Variants in ATF7IP observed in about 807,000 individuals in gnomAD.
ATF7IP encodes activating transcription factor 7-interacting protein 1.
In ATF7IP, 23 loss-of-function variants were observed where a neutral mutation model predicts 106.4. The observed-to-expected ratio is 0.22, with a 90% CI of 0.16 to 0.31. ATF7IP has a LOEUF of 0.31. Among genes scored for constraint, ATF7IP ranks in the 10% least tolerant of loss-of-function variants. The pLI is 1.00. For missense variants in ATF7IP, 1,334 were observed against 1,524.3 expected (o/e 0.88, Z 2.08); for synonymous variants, 542 against 539.0 (o/e 1.01, Z -0.08).
chr12:14,490,709 G>T (rs1422898094), intron 13 of ATF7IP, among the ~76,000 whole-genome samples: 1 of 152,144 alleles, frequency 6.6e-6, no homozygotes, highest in Non-Finnish European at 1.5e-5. Flanking sequence ...GGTGCAGGCT[G>T]GGGAAGACAA....
intron 2 of ATF7IP, among the ~76,000 whole-genome samples, chr12:14,432,357 G>A (rs1942183164): frequency 1.3e-5 from 2 of 152,226 alleles, no homozygotes; most frequent in South Asian, 2.1e-4. Flanking sequence ...AGAAAGATAT[G>A]GAAAAATATA....
At chr12:14,485,344 A>C (rs1385444150) in intron 13 of ATF7IP, among the ~76,000 whole-genome samples, 10 of 151,822 alleles carry the variant, frequency 6.6e-5, no homozygotes, top group Non-Finnish European at 1.5e-4. Flanking sequence ...AGGAAGGGCC[A>C]GATGCAGCAA....
chr12:14,493,592 CA>C (rs568960319), intron 13 of ATF7IP, among the ~76,000 whole-genome samples: 74 of 152,118 alleles, frequency 4.9e-4, no homozygotes, highest in African/African-American at 1.5e-3. Flanking sequence ...TTCTTTCTGG[CA>C]AAAAAGCTTC....
Position 14,424,259 on chromosome 12 carries a change from A to G in ATF7IP, c.344A>G (p.His115Arg), listed in dbSNP as rs200012406. 168 of 1,614,108 alleles carry G rather than the reference A, an allele frequency of 1.0e-4. 1 individual carries two copies. The highest frequency in any genetic ancestry group is 9.9e-4 in the Middle Eastern group (6 of 6,084). ...DDLNCEPLSPHNITPEPVSKL... is the reference protein window; with the variant it reads ...DDLNCEPLSPRNITPEPVSKL... ...TTAAATTGTGAACCTTTGTCTCCCC[A>G]TAATATAACTCCAGAACCAGTCTCT... The change falls in exon 2 of 15, where the codon CAT becomes CGT. Residue 115 changes from histidine to arginine, a missense_variant. Physicochemically the swap from His to Arg is conservative, Grantham distance 29 (BLOSUM62 0). Coordinates refer to ENST00000261168, the MANE Select transcript of ATF7IP (RefSeq NM_018179.5).
At chr12:14,387,874 T>C (rs1565474911) in intron 1 of ATF7IP, among the ~76,000 whole-genome samples, 1 of 152,242 alleles carries the variant, frequency 6.6e-6, no homozygotes, top group Non-Finnish European at 1.5e-5. Flanking sequence ...ATGAACAATT[T>C]CATCTGCATA....
intron 9 of ATF7IP, 85 bp from the exon 10 acceptor site, chr12:14,466,441 A>T: frequency 9.1e-7 from 1 of 1,103,688 alleles, no homozygotes; most frequent in Non-Finnish European, 1.3e-6. Context: ...TAGTTGGAGA[A>T]AACTACATGA....
chr12:14,459,926 A>C (rs1242520762), intron 8 of ATF7IP, among the ~76,000 whole-genome samples: 3 of 152,174 alleles, frequency 2.0e-5, no homozygotes, highest in African/African-American at 7.2e-5. Flanking sequence ...ATACAATGTC[A>C]GTAGGGTGTC....
At chr12:14,418,510 G>A (rs1040970562) in intron 1 of ATF7IP, among the ~76,000 whole-genome samples, 2 of 152,068 alleles carry the variant, frequency 1.3e-5, no homozygotes, top group Admixed American at 6.5e-5. Context: ...AGTTCTAGGC[G>A]ACAGTACTAA....
intron 10 of ATF7IP, among the ~76,000 whole-genome samples, chr12:14,468,718 A>G (rs1441530140): frequency 6.6e-6 from 1 of 152,228 alleles, no homozygotes; most frequent in Non-Finnish European, 1.5e-5. Flanking sequence ...AGTGTCAATT[A>G]TGTATATGAA....
At position 14,500,040 on chromosome 12, in the gene ATF7IP, T is replaced by C. The variant is rs1945122513; in HGVS notation, c.*1967T>C. The C allele has an allele frequency of 6.6e-6, 1 of 152,164 alleles. No individual in the cohort carries two copies. Among genetic ancestry groups the C allele is most frequent in the Non-Finnish European group, 1.5e-5 (1 of 68,032 alleles). The allele number at this position is 152,164 out of a possible 1,614,324, so 9.4% of individuals were successfully genotyped here. The stretch of plus-strand genomic sequence containing the variant: ...GCTGAGTTAAGTTTTAGGAGGAGAA[T>C]GTGGTTGAGAATATTTTGAAAGGAA... On this transcript the variant is annotated 3_prime_UTR_variant, in exon 15 of 15. Coordinates refer to ENST00000261168, the MANE Select transcript of ATF7IP (RefSeq NM_018179.5).
intron 13 of ATF7IP, among the ~76,000 whole-genome samples, chr12:14,486,308 T>C (rs1944609964): frequency 6.6e-6 from 1 of 152,180 alleles, no homozygotes; most frequent in South Asian, 2.1e-4. Flanking sequence ...CAGTGTCCAG[T>C]AGTCCCTGAA....
intron 8 of ATF7IP, 86 bp from the exon 9 acceptor site, chr12:14,460,409 A>G (rs1168359128): frequency 8.4e-6 from 11 of 1,311,448 alleles, no homozygotes; most frequent in Non-Finnish European, 1.2e-5. Flanking sequence ...GTATTACGCA[A>G]TGTATTTAAT....
intron 5 of ATF7IP, among the ~76,000 whole-genome samples, chr12:14,441,551 G>A (rs1164423028): frequency 5.8e-5 from 8 of 136,876 alleles, no homozygotes; most frequent in African/African-American, 2.2e-4. Context: ...GTGCAATGGT[G>A]TGATCTTGGC....
chr12:14,407,691 A>G (rs897161855), intron 1 of ATF7IP, among the ~76,000 whole-genome samples: 10 of 152,270 alleles, frequency 6.6e-5, no homozygotes, highest in African/African-American at 2.2e-4. Flanking sequence ...GCGGTGTTGT[A>G]CAGATTATTT....
intron 13 of ATF7IP, among the ~76,000 whole-genome samples, chr12:14,486,244 C>G (rs1944608045): frequency 1.3e-5 from 2 of 152,222 alleles, no homozygotes; most frequent in South Asian, 4.1e-4. Context: ...CCTGCTTTAA[C>G]TGGAGGACCA....
intron 10 of ATF7IP, 67 bp from the exon 11 acceptor site, chr12:14,475,823 A>G (rs1944243525): frequency 2.3e-6 from 3 of 1,292,310 alleles, no homozygotes; most frequent in South Asian, 2.7e-5. Flanking sequence ...CTCACTTATC[A>G]TCTCATTTTT....
At chr12:14,445,480 G>A (rs1419925663) in intron 5 of ATF7IP, among the ~76,000 whole-genome samples, 1 of 151,902 alleles carries the variant, frequency 6.6e-6, no homozygotes, top group Non-Finnish European at 1.5e-5. Context: ...ATGAGCCACT[G>A]CACCTGGCTT....
At chr12:14,431,431 G>A (rs944105223) in intron 2 of ATF7IP, among the ~76,000 whole-genome samples, 1 of 148,450 alleles carries the variant, frequency 6.7e-6, no homozygotes, top group African/African-American at 2.5e-5. Flanking sequence ...GTCTCGCTCT[G>A]TCACCCAGGC....
chr12:14,450,148 G>T lies in ATF7IP; in HGVS notation c.1995+3095G>T, dbSNP rs972536473. On this transcript the variant is annotated intron_variant, in intron 6 of 14. Transcript: ENST00000261168. ...TTATACTTCTTTTTCTGATTTGGAT[G>T]TCATTTATTTCTTTTTCTTGCATAA... Among the ~76,000 whole-genome samples, 3 of 135,712 alleles carry T rather than the reference G, an allele frequency of 2.2e-5. No homozygotes were observed. The Admixed American group carries it at 2.5e-4, about 11-fold the overall frequency. The allele number at this position is 135,712 out of a possible 152,430, so 89.0% of individuals were successfully genotyped here.
Sources: allele counts gnomAD v4.1 joint callset (sites outside exome capture counted in the v4.1 genomes callset), GRCh38; gene constraint gnomAD v4.1.1; transcripts MANE v1.5; gene names NCBI Gene and HGNC (gene_info 2026-07-23, HGNC 2026-07-21).